ACOX1: variants seen among roughly 807,000 people sequenced by gnomAD.
ACOX1 encodes the protein acyl-CoA oxidase 1.
In ACOX1, 41 loss-of-function variants were observed where a neutral mutation model predicts 75.5. The ratio of observed to expected loss-of-function variants is 0.54; its 90% CI spans 0.42 to 0.70. ACOX1 has a LOEUF of 0.70. ACOX1 is among the 30% of genes least tolerant of loss of function. The probability of loss-of-function intolerance (pLI) is 0.00; values close to 1 mark genes in which losing one functional copy is unlikely to be tolerated. For missense variants in ACOX1, 630 were observed against 837.5 expected (o/e 0.75, Z 3.06); for synonymous variants, 303 against 298.8 (o/e 1.01, Z -0.15).
At position 75,953,480 on chromosome 17, in the gene ACOX1, A is replaced by G. The variant is rs760485833; in HGVS notation, c.915T>C (p.Ala305=). ...GCTTGATTTCAGACTGGTGCCTCAC[A>G]GCGCTGTATCGGATGGCAATGGTGC... is the stretch of plus-strand genomic sequence containing the variant. ...KACTIAIRYS[A]VRHQSEIKPG... Residue 305 remains alanine, a synonymous_variant, in exon 7 of 14, where the codon GCT becomes GCC. Coordinates refer to ENST00000293217, the MANE Select transcript of ACOX1 (RefSeq NM_004035.7). 3 of 1,614,102 alleles carry G rather than the reference A, an allele frequency of 1.9e-6. No homozygotes were observed. Among genetic ancestry groups the G allele is most frequent in the Non-Finnish European group, 2.5e-6 (3 of 1,179,960 alleles).
chr17:75,967,659 T>C (rs1208004969), intron 2 of ACOX1, among the ~76,000 whole-genome samples: 2 of 99,972 alleles, frequency 2.0e-5, no homozygotes, highest in Non-Finnish European at 3.7e-5. Context: ...TATATATACA[T>C]ACATATATAT....
In ACOX1 at chr17:75,951,535, A is replaced by G. The variant is rs1389032645; in HGVS notation, c.987T>C (p.Tyr329=). The change falls in exon 8 of 14, where the codon TAT becomes TAC. Residue 329 remains tyrosine, a synonymous_variant. Coordinates refer to ENST00000293217, the MANE Select transcript of ACOX1 (RefSeq NM_004035.7). ...CAGTGGCCAGGAGTGGAAAGAGTTT[A>G]TACTGCTGGGTTTGAAAATCCAAAA... ...PQILDFQTQQ[Y]KLFPLLATAY... 4 of 1,614,076 alleles carry G rather than the reference A, an allele frequency of 2.5e-6. No homozygotes were observed. Among genetic ancestry groups the G allele is most frequent in the African/African-American group, 1.3e-5 (1 of 74,936 alleles).
chr17:75,974,922 C>T (rs1465333294), intron 2 of ACOX1, among the ~76,000 whole-genome samples: 1 of 151,028 alleles, frequency 6.6e-6, no homozygotes, highest in Admixed American at 6.6e-5. Context: ...TGGTGGTGGG[C>T]TCCTGTAGTC....
chr17:75,946,595 A>T lies in ACOX1; in HGVS notation c.*153T>A. 7.2e-6 allele frequency: 5 copies of T among 694,314 alleles called. No homozygotes were observed. The highest frequency in any genetic ancestry group is 7.0e-5 in the Admixed American group (3 of 42,810). 43.0% of individuals were successfully genotyped at this position (694,314 alleles called of 1,614,324 possible). On this transcript the variant is annotated 3_prime_UTR_variant, in exon 14 of 14. Transcript: ENST00000293217. ...TAAAACATCTGCTTTTTTTCATTTA[A>T]TCTCTGAAATCTGTTCATTTTTTCC...
intron 3 of ACOX1, among the ~76,000 whole-genome samples, chr17:75,959,036 C>A (rs972731599): frequency 2.6e-5 from 4 of 151,950 alleles, no homozygotes; most frequent in African/African-American, 9.7e-5. Context: ...AATCTTAACA[C>A]AAATATATCA....
chr17:75,973,899 C>A (rs556865156), intron 2 of ACOX1: 20 of 1,008,782 alleles, frequency 2.0e-5, no homozygotes, highest in Non-Finnish European at 3.0e-5. Flanking sequence ...ATGTAAACCC[C>A]CTTCTTATGA....
intron 3 of ACOX1, among the ~76,000 whole-genome samples, chr17:75,957,961 T>C (rs1048556491): frequency 1.3e-5 from 2 of 152,228 alleles, no homozygotes; most frequent in African/African-American, 4.8e-5. Context: ...GTCATATGTA[T>C]TGTGTTAACC....
At position 75,950,908 on chromosome 17, in the gene ACOX1, G is replaced by A. The variant is rs1396460410; in HGVS notation, c.1164C>T (p.Gly388=). The change falls in exon 9 of 14, where the codon GGC becomes GGT. Residue 388 remains glycine (G), a synonymous_variant. Coordinates refer to ENST00000293217, the MANE Select transcript of ACOX1 (RefSeq NM_004035.7). This position sits in a 1 kb window ranked among gnomAD's most constrained non-coding sequence, Gnocchi z 4.3. The stretch of plus-strand genomic sequence containing the variant: ...CACAAGCCATCCGACATGCTTCAAT[G>A]CCAGTGTTTGCAGTCCAGGAGGTGA... ...KAFTSWTANT[G]IEACRMACGG... The A allele has an allele frequency of 6.2e-7, 1 of 1,614,170 alleles. No homozygotes were observed. Among genetic ancestry groups the A allele is most frequent in the Non-Finnish European group, 8.5e-7 (1 of 1,180,030 alleles).
In ACOX1 at chr17:75,960,950, G is replaced by T. The variant is rs2065881548; in HGVS notation, c.270-575C>A. 6.6e-6 allele frequency among the ~76,000 whole-genome samples: 1 copy of T among 152,016 alleles called. No individual in the cohort carries two copies. The stretch of plus-strand genomic sequence containing the variant: ...CCGAGATCATGCCCACTGCATTCCA[G>T]CCTGGGTGACAGAGTGAGACTCTGT... On this transcript the variant is annotated intron_variant, in intron 2 of 13. Coordinates refer to ENST00000293217, the MANE Select transcript of ACOX1 (RefSeq NM_004035.7). This position sits in a 1 kb window ranked among gnomAD's most constrained non-coding sequence, Gnocchi z 4.4.
chr17:75,960,620 G>T lies in ACOX1; in HGVS notation c.270-245C>A, dbSNP rs1025527899. Reference sequence around the variant, plus strand: ...ATTGGTTACTGATTCCAAAGCCAATGCAGCACAAAACCACACGTGCAAGGC... The same window carrying T: ...ATTGGTTACTGATTCCAAAGCCAATTCAGCACAAAACCACACGTGCAAGGC... On this transcript the variant is annotated intron_variant, in intron 2 of 13. Coordinates refer to ENST00000293217, the MANE Select transcript of ACOX1 (RefSeq NM_004035.7). The surrounding 1 kb of genome is among the most constrained non-coding windows in gnomAD (Gnocchi z 4.4). Among the ~76,000 whole-genome samples the T allele has an allele frequency of 6.6e-6, 1 of 152,174 alleles. No homozygotes were observed. Among genetic ancestry groups the T allele is most frequent in the Non-Finnish European group, 1.5e-5 (1 of 68,032 alleles).
chr17:75,949,497 C>T lies in ACOX1; in HGVS notation c.1582G>A (p.Glu528Lys), dbSNP rs778466063. 6.2e-7 allele frequency: 1 copy of T among 1,614,078 alleles called. No individual in the cohort carries two copies. The highest frequency in any genetic ancestry group is 8.5e-7 in the Non-Finnish European group (1 of 1,179,900). ...AAAAAGAGAGAACTACCACTGACCT[C>T]ACTTGCTCGAACAAGGTCAACAGAA... ...LTSVDLVRAS[E>K]AHCHYVVVKL... is the part of the protein sequence containing the mutation. The change falls in exon 11 of 14, where the codon GAG becomes AAG. Residue 528 changes from glutamate (E) to lysine (K), a missense_variant and splice_region_variant. Physicochemically the swap from Glu to Lys is moderately conservative, Grantham distance 56 (BLOSUM62 1). Transcript: ENST00000293217.
chr17:75,948,515 T>A, intron 12 of ACOX1, 58 bp from the exon 13 acceptor site: 1 of 1,404,164 alleles, frequency 7.1e-7, no homozygotes, highest in Non-Finnish European at 1.0e-6. Flanking sequence ...TAGACATAAT[T>A]ATATGCATAT....
chr17:75,964,452 C>T (rs1049908546), intron 2 of ACOX1, among the ~76,000 whole-genome samples: 4 of 152,140 alleles, frequency 2.6e-5, no homozygotes, highest in Non-Finnish European at 5.9e-5. Flanking sequence ...CACTATCAAG[C>T]ACCCATCAGC....
At chr17:75,949,926 G>C (rs1326846077) in intron 9 of ACOX1, 29 bp from the exon 10 acceptor site, 1 of 1,612,992 alleles carries the variant, frequency 6.2e-7, no homozygotes, top group East Asian at 2.2e-5. Flanking sequence ...CATGCTTTTA[G>C]TAACTCTACT....
intron 2 of ACOX1, among the ~76,000 whole-genome samples, chr17:75,968,716 A>T (rs182746811): frequency 6.6e-6 from 1 of 151,706 alleles, no homozygotes; most frequent in Non-Finnish European, 1.5e-5. Flanking sequence ...TGAGGTCAGG[A>T]GTTCAAGACC....
chr17:75,952,799 C>T (rs1381062129), intron 7 of ACOX1, among the ~76,000 whole-genome samples: 1 of 148,366 alleles, frequency 6.7e-6, no homozygotes, highest in African/African-American at 2.5e-5. Flanking sequence ...CCACTGCACT[C>T]CAGTCTGGGC....
At position 75,978,796 on chromosome 17, in the gene ACOX1, G is replaced by A; in HGVS notation, c.110-103C>T. 6.2e-7 allele frequency: 1 copy of A among 1,606,230 alleles called. No individual in the cohort carries two copies. The highest frequency in any genetic ancestry group is 8.5e-7 in the Non-Finnish European group (1 of 1,179,230). The stretch of plus-strand genomic sequence containing the variant: ...CTTCAGAGTCGCGGACACACCTGGG[G>A]AATGGCGATATCCCCCCACCAGGGA... On this transcript the variant is annotated intron_variant, in intron 1 of 13. Transcript: ENST00000293217. This position sits in a 1 kb window ranked among gnomAD's most constrained non-coding sequence, Gnocchi z 4.2.
In ACOX1 at chr17:75,953,536, C is replaced by T. The variant is rs1476487288; in HGVS notation, c.859G>A (p.Gly287Arg). ...TTAGACAGAGCCCGAGCAGCTTCTC[C>T]CACAAGGAAGGACCTGACAAACACC... ...TMVFVRSFLVGEAARALSKAC... is the reference protein window; with the variant it reads ...TMVFVRSFLVREAARALSKAC... The change falls in exon 7 of 14, where the codon GGA becomes AGA. Residue 287 changes from glycine to arginine, a missense_variant. By Grantham distance (125) the Gly-to-Arg change is moderately radical. Around this residue, in one of 2 missense-constraint regions of ACOX1, gnomAD observed 390 missense variants for 574.9 expected, o/e 0.68. Coordinates refer to ENST00000293217, the MANE Select transcript of ACOX1 (RefSeq NM_004035.7). 3 of 1,614,194 alleles carry T rather than the reference C, an allele frequency of 1.9e-6. No homozygotes were observed. Among genetic ancestry groups the T allele is most frequent in the Non-Finnish European group, 2.5e-6 (3 of 1,180,028 alleles).
At position 75,970,184 on chromosome 17, in the gene ACOX1, C is replaced by CAAAAAAAAA. The variant is rs55762557; in HGVS notation, c.269+8341_269+8349dup. 1.7e-3 allele frequency among the ~76,000 whole-genome samples: 118 copies of CAAAAAAAAA among 69,050 alleles called. 5 individuals carry two copies. The highest frequency in any genetic ancestry group is 5.5e-3 in the African/African-American group (91 of 16,616). 45.3% of individuals were successfully genotyped at this position (69,050 alleles called of 152,430 possible). A position where few individuals can be genotyped will look rare whatever the true frequency, so the allele number is the denominator to read the frequency against. Reference sequence around the variant, plus strand: ...CAGCTTGGGCAACATGAGACTCCTTCAAAAAAAAAAAAAAAAAGAGGAAGG... The same window carrying CAAAAAAAAA: ...CAGCTTGGGCAACATGAGACTCCTTCAAAAAAAAAAAAAAAAAAAAAAAAAAGAGGAAGG... On this transcript the variant is annotated intron_variant, in intron 2 of 13. Coordinates refer to ENST00000293217, the MANE Select transcript of ACOX1 (RefSeq NM_004035.7).
Sources: allele counts gnomAD v4.1 joint callset (sites outside exome capture counted in the v4.1 genomes callset), GRCh38; gene constraint gnomAD v4.1.1; regional missense constraint gnomAD v4.1.1; non-coding constraint Gnocchi (gnomAD v3.1); transcripts MANE v1.5; gene names NCBI Gene and HGNC (gene_info 2026-07-23, HGNC 2026-07-21).